Variants in HRH2 observed in about 807,000 individuals in gnomAD.
The protein encoded by HRH2 is histamine receptor H2.
HRH2 carries 4 observed loss-of-function variants against 20.1 expected under a neutral mutation model. That is an observed-to-expected ratio of 0.20 (90% CI 0.10 to 0.45). The LOEUF is 0.45. Among genes scored for constraint, HRH2 ranks in the 20% least tolerant of loss-of-function variants. The pLI is 0.99. For missense variants in HRH2, 250 were observed against 461.6 expected, an observed-to-expected ratio of 0.54 and a Z score of 4.20; for synonymous variants, 197 against 200.7, an observed-to-expected ratio of 0.98 and a Z score of 0.16.
intron 2 of HRH2, chr5:175,685,457 A>C: frequency 6.4e-7 from 1 of 1,551,674 alleles, no homozygotes; most frequent in Non-Finnish European, 8.7e-7. Flanking sequence ...TGACCCATTC[A>C]TTCATTCATT....
In HRH2 at chr5:175,683,878, G is replaced by A. The variant is rs764264297; in HGVS notation, c.645G>A (p.Arg215=). 3 of 1,614,014 alleles carry A rather than the reference G, an allele frequency of 1.9e-6. No individual in the cohort carries two copies. Among genetic ancestry groups the A allele is most frequent in the African/African-American group, 2.7e-5 (2 of 74,878 alleles). ...AGGTCGCCCGGGATCAGGCCAAGAG[G>A]ATCAATCACATTAGCTCCTGGAAGG... is the stretch of plus-strand genomic sequence containing the variant. ...IFKVARDQAK[R]INHISSWKAA... Residue 215 remains arginine, a synonymous_variant, in exon 2 of 3, where the codon AGG becomes AGA. Coordinates refer to ENST00000636584, the MANE Select transcript of HRH2 (RefSeq NM_001367711.1).
intron 2 of HRH2, among the ~76,000 whole-genome samples, chr5:175,692,892 G>A (rs567468793): frequency 1.3e-5 from 2 of 152,194 alleles, no homozygotes; most frequent in Admixed American, 6.5e-5. Context: ...CTAATGAGTC[G>A]CTCAAAGTGT....
intron 1 of HRH2, among the ~76,000 whole-genome samples, chr5:175,680,406 CCAAA>C (rs1222539516): frequency 1.3e-5 from 2 of 152,218 alleles, no homozygotes; most frequent in Non-Finnish European, 2.9e-5. Context: ...CCCCCACATA[CCAAA>C]CAGTCAGCAG....
At chr5:175,705,712 G>C (rs1756925976) in intron 2 of HRH2, among the ~76,000 whole-genome samples, 1 of 151,834 alleles carries the variant, frequency 6.6e-6, no homozygotes, top group African/African-American at 2.4e-5. Flanking sequence ...CCCCAGGCTG[G>C]AGTGCAGTGG....
intron 2 of HRH2, among the ~76,000 whole-genome samples, chr5:175,707,067 C>T (rs1288956634): frequency 1.3e-5 from 2 of 152,208 alleles, no homozygotes; most frequent in African/African-American, 4.8e-5. Context: ...GCTCCTACTA[C>T]CAGACAGCCT....
At chr5:175,705,012 G>C (rs969662023) in intron 2 of HRH2, among the ~76,000 whole-genome samples, 2 of 151,880 alleles carry the variant, frequency 1.3e-5, no homozygotes, top group African/African-American at 4.8e-5. Context: ...ACTGAATTTT[G>C]TATACTGATC....
At chr5:175,691,537 G>A (rs907124370) in intron 2 of HRH2, among the ~76,000 whole-genome samples, 1 of 152,170 alleles carries the variant, frequency 6.6e-6, no homozygotes, top group Admixed American at 6.5e-5. Flanking sequence ...TGATGGGGCG[G>A]GAAGGGGCAC....
In HRH2 at chr5:175,675,141, T is replaced by C. The variant is rs1400461971; in HGVS notation, c.-525-7568T>C. Among the ~76,000 whole-genome samples the C allele has an allele frequency of 2.0e-5, 3 of 152,276 alleles. No homozygotes were observed. The East Asian group carries it at 5.8e-4, about 29-fold the overall frequency. ...AGCCTCAGCGTCTGTGTTTGTAAAA[T>C]GGGGAAAAGAAAAATCTCTTGCCTC... On this transcript the variant is annotated intron_variant, in intron 1 of 2. Coordinates refer to ENST00000636584, the MANE Select transcript of HRH2 (RefSeq NM_001367711.1).
In HRH2 at chr5:175,684,102, C is replaced by T. The variant is rs367866082; in HGVS notation, c.869C>T (p.Ala290Val). The change falls in exon 2 of 3, where the codon GCG becomes GTG. Residue 290 changes from alanine (A) to valine (V), a missense_variant. Physicochemically the swap from Ala to Val is moderately conservative, Grantham distance 64. This residue lies in a region of HRH2 where 58 missense variants were observed against 166.8 expected (regional missense o/e 0.35). Transcript: ENST00000636584. ...NSALNPILYA[A>V]LNRDFRTGYQ... ...GCCCTGAACCCCATCCTGTATGCTG[C>T]GCTGAACAGAGACTTCCGCACCGGG... 4 of 1,614,074 alleles carry T rather than the reference C, an allele frequency of 2.5e-6. No individual in the cohort carries two copies. Among genetic ancestry groups the T allele is most frequent in the African/African-American group, 1.3e-5 (1 of 74,896 alleles).
chr5:175,695,387 G>A (rs1479316451), intron 2 of HRH2, among the ~76,000 whole-genome samples: 1 of 152,200 alleles, frequency 6.6e-6, no homozygotes, highest in Non-Finnish European at 1.5e-5. Context: ...AGAGGCTGGA[G>A]AACAGTGTCC....
intron 1 of HRH2, among the ~76,000 whole-genome samples, chr5:175,661,103 T>A (rs1762725769): frequency 7.4e-6 from 1 of 135,390 alleles, no homozygotes; most frequent in African/African-American, 2.8e-5. Flanking sequence ...CTTGCCCACC[T>A]CCAAACTTCC....
chr5:175,658,110 C>A lies in HRH2; in HGVS notation c.-571C>A, dbSNP rs188117231. On this transcript the variant is annotated 5_prime_UTR_variant, in exon 1 of 3. Coordinates refer to ENST00000636584, the MANE Select transcript of HRH2 (RefSeq NM_001367711.1). ...AGCGCAGCCGGCGCGGGCGCGGGACCGAGGCGAACCGGGTGCGGAGCCAAT... is the reference window on the plus strand; with the variant it reads ...AGCGCAGCCGGCGCGGGCGCGGGACAGAGGCGAACCGGGTGCGGAGCCAAT... The A allele has an allele frequency of 6.6e-6, 1 of 151,824 alleles. No homozygotes were observed. 9.4% of individuals were successfully genotyped at this position (151,824 alleles called of 1,614,324 possible). A position where few individuals can be genotyped will look rare whatever the true frequency, so the allele number is the denominator to read the frequency against.
At chr5:175,705,747 C>T (rs1249321691) in intron 2 of HRH2, among the ~76,000 whole-genome samples, 1 of 152,026 alleles carries the variant, frequency 6.6e-6, no homozygotes, top group African/African-American at 2.4e-5. Context: ...ACTGCAGCCT[C>T]AGCCTCCCAG....
intron 1 of HRH2, among the ~76,000 whole-genome samples, chr5:175,663,582 C>G (rs1333607617): frequency 2.0e-5 from 3 of 152,214 alleles, no homozygotes; most frequent in African/African-American, 4.8e-5. Context: ...TGCCCGTGCA[C>G]TGTCTGCATT....
chr5:175,697,462 C>CAAAAAA (rs60466733), intron 2 of HRH2, among the ~76,000 whole-genome samples: 17 of 82,576 alleles, frequency 2.1e-4, no homozygotes, highest in South Asian at 4.6e-4. Context: ...GACTCCGTCT[C>CAAAAAA]AAAAAAAAAA....
chr5:175,697,375 A>G (rs1756631650), intron 2 of HRH2, among the ~76,000 whole-genome samples: 1 of 150,910 alleles, frequency 6.6e-6, no homozygotes, highest in South Asian at 2.1e-4. Flanking sequence ...AGGCAGGAGA[A>G]TGGCATGAAC....
chr5:175,704,994 T>C (rs766314395), intron 2 of HRH2, among the ~76,000 whole-genome samples: 3 of 152,098 alleles, frequency 2.0e-5, no homozygotes, highest in Non-Finnish European at 2.9e-5. Flanking sequence ...TTGGACTCCA[T>C]ATGTGCAACT....
At chr5:175,688,871 C>T (rs772984705) in intron 2 of HRH2, among the ~76,000 whole-genome samples, 30 of 152,160 alleles carry the variant, frequency 2.0e-4, no homozygotes, top group Non-Finnish European at 2.6e-4. Flanking sequence ...TGAGCCCTTT[C>T]CCCACCCATT....
intron 1 of HRH2, among the ~76,000 whole-genome samples, chr5:175,672,478 G>C (rs763321283): frequency 1.3e-5 from 2 of 152,200 alleles, no homozygotes; most frequent in African/African-American, 4.8e-5. Flanking sequence ...TTATCTATAA[G>C]ATAGAGATGA....
Sources: gnomAD v4.1 joint callset for allele counts (sites outside exome capture counted in the v4.1 genomes callset) on GRCh38, gnomAD v4.1.1 for gene constraint, gnomAD v4.1.1 regional missense constraint, MANE v1.5 for transcripts, NCBI Gene and HGNC (gene_info 2026-07-23, HGNC 2026-07-21) for gene names.